The following B4GALT7 variants were observed in gnomAD, a reference collection of about 807,000 sequenced individuals.
B4GALT7 encodes UDP-Gal:beta-GlcNAc beta-1,4-galactosyltransferase 7.
A neutral mutation model predicts 33.0 loss-of-function variants in B4GALT7; 30 were observed. The observed-to-expected ratio is 0.91, with a 90% confidence interval of 0.68 to 1.23. The LOEUF (loss-of-function observed/expected upper bound fraction) is 1.23, where lower values mean the gene tolerates loss of function less well. Among genes scored for constraint, B4GALT7 ranks in the 50% most tolerant of loss-of-function variants. B4GALT7 has a pLI of 0.00. For missense variants in B4GALT7, 507 were observed against 450.8 expected (o/e 1.12, Z -1.13); for synonymous variants, 213 against 187.2 (o/e 1.14, Z -1.13).
chr5:177,609,454 C>T, intron 5 of B4GALT7, 86 bp from the exon 6 acceptor site: 1 of 1,538,058 alleles, frequency 6.5e-7, no homozygotes, highest in Non-Finnish European at 9.0e-7. Flanking sequence ...ACCACAGGAC[C>T]TCTGATGGCG....
intron 2 of B4GALT7, among the ~76,000 whole-genome samples, 170 bp downstream of exon 2, chr5:177,604,711 A>T (rs575570099): frequency 6.6e-6 from 1 of 152,246 alleles, no homozygotes; most frequent in East Asian, 1.9e-4. Context: ...TTCCATTTTG[A>T]AAAGCTCACT....
chr5:177,609,645 A>T lies in B4GALT7; in HGVS notation c.934A>T (p.Ile312Phe), dbSNP rs1220841590. Residue 312 changes from isoleucine to phenylalanine, a missense_variant, in exon 6 of 6, where the codon ATC (isoleucine) becomes TTC (phenylalanine). Transcript: ENST00000029410. ...VGGAPCTVLN[I>F]MLDCDKTATP... ...CGGGGCCCCCTGCACTGTCCTCAACATCATGTTGGACTGTGACAAGACCGC... is the reference window on the plus strand; with the variant it reads ...CGGGGCCCCCTGCACTGTCCTCAACTTCATGTTGGACTGTGACAAGACCGC... 1 of 1,613,796 alleles carries T rather than the reference A, an allele frequency of 6.2e-7. No individual in the cohort carries two copies. Among genetic ancestry groups the T allele is most frequent in the Non-Finnish European group, 8.5e-7 (1 of 1,179,960 alleles).
chr5:177,601,516 C>T (rs768458737), intron 1 of B4GALT7: 27 of 152,246 alleles, frequency 1.8e-4, no homozygotes, highest in Non-Finnish European at 1.0e-4. Context: ...AACAGAGGAG[C>T]ATTTCTATTT....
Position 177,607,326 on chromosome 5 carries a change from C to A in B4GALT7, c.438C>A (p.Asn146Lys). Residue 146 changes from asparagine (N) to lysine (K), a missense_variant, in exon 3 of 6, where the codon AAC becomes AAA. By Grantham distance (94) the Asn-to-Lys change is moderately conservative. Transcript: ENST00000029410. ...GGTTCAACCGGGCAGCGCTCATCAACGTGGGCTTCCTGGAGAGCAGCAACA... is the reference window on the plus strand; with the variant it reads ...GGTTCAACCGGGCAGCGCTCATCAAAGTGGGCTTCCTGGAGAGCAGCAACA... ...HFRFNRAALI[N>K]VGFLESSNST... 1 of 1,612,688 alleles carries A rather than the reference C, an allele frequency of 6.2e-7. No individual in the cohort carries two copies. Among genetic ancestry groups the A allele is most frequent in the Non-Finnish European group, 8.5e-7 (1 of 1,179,418 alleles).
rs759226446 is a variant in B4GALT7, at chr5:177,604,386, A to C, written c.258A>C (p.Glu86Asp). 4 of 1,613,590 alleles carry C rather than the reference A, an allele frequency of 2.5e-6. No individual in the cohort carries two copies. Among genetic ancestry groups the C allele is most frequent in the African/African-American group, 1.3e-5 (1 of 75,004 alleles). The change falls in exon 2 of 6, where the codon GAA (glutamate) becomes GAC (aspartate). Residue 86 changes from glutamate to aspartate, a missense_variant. By Grantham distance (45) the Glu-to-Asp change is conservative. Transcript: ENST00000029410. The stretch of plus-strand genomic sequence containing the variant: ...AGCCGCCCCCTGAGCACTGGGAAGA[A>C]GACGCATCCTGGGGCCCCCACCGCC... ...PPEPPPEHWE[E>D]DASWGPHRLA... is the part of the protein sequence containing the mutation.
rs1447860840 is a variant in B4GALT7 at position 177,600,505 on chromosome 5, G to T, written c.50+245G>T. 3.9e-5 allele frequency among the ~76,000 whole-genome samples: 3 copies of T among 76,238 alleles called. No individual in the cohort carries two copies. Among genetic ancestry groups the T allele is most frequent in the African/African-American group, 1.6e-4 (3 of 19,258 alleles). 50.0% of individuals were successfully genotyped at this position (76,238 alleles called of 152,430 possible). A position where few individuals can be genotyped will look rare whatever the true frequency, so the allele number is the denominator to read the frequency against. On this transcript the variant is annotated intron_variant, in intron 1 of 5. Transcript: ENST00000029410. The surrounding 1 kb of genome is among the most constrained non-coding windows in gnomAD (Gnocchi z 4.4). ...GTCCTTCCCCCAGCACCTTCCCCCCGGCCCGTGGGTCCGTATTTCTCCATT... is the reference window on the plus strand; with the variant it reads ...GTCCTTCCCCCAGCACCTTCCCCCCTGCCCGTGGGTCCGTATTTCTCCATT...
rs1331979413 is a variant in B4GALT7 at position 177,604,303 on chromosome 5, C to T, written c.175C>T (p.Arg59Trp). Residue 59 changes from arginine (R) to tryptophan (W), a missense_variant, in exon 2 of 6, where the codon CGG becomes TGG. Transcript: ENST00000029410. The part of the protein sequence containing the change: ...LQLSCSGDVA[R>W]AVRGQGQETS... ...GCTCAGCTGCTCTGGGGACGTGGCC[C>T]GGGCAGTCAGGGGACAAGGGCAGGA... 1.2e-6 allele frequency: 2 copies of T among 1,611,300 alleles called. No individual in the cohort carries two copies. The highest frequency in any genetic ancestry group is 8.5e-7 in the Non-Finnish European group (1 of 1,178,790).
At position 177,606,900 on chromosome 5, in the gene B4GALT7, C is replaced by G. The variant is rs572815691; in HGVS notation, c.414-402C>G. The G allele has an allele frequency of 2.8e-6, 1 of 357,020 alleles. No homozygotes were observed. The highest frequency in any genetic ancestry group is 2.2e-5 in the South Asian group (1 of 45,672). The allele number at this position is 357,020 out of a possible 1,614,324, so 22.1% of individuals were successfully genotyped here. ...TCTTCAGGCCTTCAGGTTTCTGTCA[C>G]TCAGTTCCCCTGGCCCTCCCTGACG... On this transcript the variant is annotated intron_variant, in intron 2 of 5. Coordinates refer to ENST00000029410, the MANE Select transcript of B4GALT7 (RefSeq NM_007255.3). The surrounding 1 kb of genome is among the most constrained non-coding windows in gnomAD (Gnocchi z 4.2).
intron 5 of B4GALT7, 129 bp from the exon 6 acceptor site, chr5:177,609,411 C>A: frequency 8.0e-7 from 1 of 1,249,986 alleles, no homozygotes; most frequent in Non-Finnish European, 1.2e-6. Context: ...GGCTTCACTG[C>A]TTTGAGCTCT....
At chr5:177,607,062 A>G (rs1429121218) in intron 2 of B4GALT7, 3 of 593,578 alleles carry the variant, frequency 5.1e-6, no homozygotes, top group Non-Finnish European at 9.1e-6. Flanking sequence ...TTGGAATCTC[A>G]GTTCCTTGAG....
Position 177,604,466 on chromosome 5 carries a change from C to A in B4GALT7, c.338C>A (p.Pro113His). Residue 113 changes from proline to histidine, a missense_variant, in exon 2 of 6, where the codon CCC becomes CAC. Pro to His is a moderately conservative substitution (Grantham distance 77). Coordinates refer to ENST00000029410, the MANE Select transcript of B4GALT7 (RefSeq NM_007255.3). ...TTCGAGGAGCTCCTGGTCTTCGTGC[C>A]CCACATGCGCCGCTTCCTGAGCAGG... ...ERFEELLVFV[P>H]HMRRFLSRKK... 6.2e-7 allele frequency: 1 copy of A among 1,614,026 alleles called. No individual in the cohort carries two copies. Among genetic ancestry groups the A allele is most frequent in the South Asian group, 1.1e-5 (1 of 91,082 alleles).
chr5:177,604,149 C>T lies in B4GALT7; in HGVS notation c.51-30C>T, dbSNP rs764148988. ...TGTCACAGGGCCAGCCCTGCCCCGC[C>T]CTCCTGACCCTGTCCCGCGCTTGCT... On this transcript the variant is annotated intron_variant, in intron 1 of 5. Coordinates refer to ENST00000029410, the MANE Select transcript of B4GALT7 (RefSeq NM_007255.3). 7 of 1,612,736 alleles carry T rather than the reference C, an allele frequency of 4.3e-6. No homozygotes were observed. In the Admixed American group the frequency reaches 6.7e-5, roughly 15 times the overall value.
In B4GALT7 at chr5:177,604,366, C is replaced by T. The variant is rs1270985250; in HGVS notation, c.238C>T (p.Pro80Ser). Residue 80 changes from proline to serine, a missense_variant, in exon 2 of 6, where the codon CCC (proline) becomes TCC (serine). Pro to Ser is a moderately conservative substitution (Grantham distance 74). Transcript: ENST00000029410. ...GPPRACPPEP[P>S]PEHWEEDASW... ...TCCCCGTGCCTGCCCCCCAGAGCCG[C>T]CCCCTGAGCACTGGGAAGAAGACGC... is the stretch of plus-strand genomic sequence containing the variant. 1.2e-6 allele frequency: 2 copies of T among 1,612,556 alleles called. No homozygotes were observed. The highest frequency in any genetic ancestry group is 1.7e-6 in the Non-Finnish European group (2 of 1,179,168).
At position 177,600,181 on chromosome 5, in the gene B4GALT7, C is replaced by T. The variant is rs1329364259; in HGVS notation, c.-30C>T. ...GCCGGGCCGGCCGGGCTGCGAGCGC[C>T]TGCCCCATGCGCCGCCGCCTCTCCG... On this transcript the variant is annotated 5_prime_UTR_variant, in exon 1 of 6. Transcript: ENST00000029410. This position sits in a 1 kb window ranked among gnomAD's most constrained non-coding sequence, Gnocchi z 4.4. 23 of 1,328,158 alleles carry T rather than the reference C, an allele frequency of 1.7e-5. No individual in the cohort carries two copies. Among genetic ancestry groups the T allele is most frequent in the Middle Eastern group, 2.8e-4 (1 of 3,538 alleles). 82.3% of individuals were successfully genotyped at this position (1,328,158 alleles called of 1,614,324 possible). A position where few individuals can be genotyped will look rare whatever the true frequency, so the allele number is the denominator to read the frequency against.
intron 1 of B4GALT7, among the ~76,000 whole-genome samples, chr5:177,602,190 G>C (rs1296425972): frequency 6.6e-6 from 1 of 152,134 alleles, no homozygotes; most frequent in Non-Finnish European, 1.5e-5. Flanking sequence ...CAGGATAATG[G>C]GGGGTAAGTC....
chr5:177,603,325 G>T, intron 1 of B4GALT7: 1 of 985,440 alleles, frequency 1.0e-6, no homozygotes, highest in Non-Finnish European at 1.2e-6. Flanking sequence ...TCCTGTCTCA[G>T]CATACTCAGG....
At position 177,600,268 on chromosome 5, in the gene B4GALT7, G is replaced by C. The variant is rs1767808853; in HGVS notation, c.50+8G>C. 1 of 1,335,678 alleles carries C rather than the reference G, an allele frequency of 7.5e-7. No homozygotes were observed. The highest frequency in any genetic ancestry group is 3.4e-5 in the Admixed American group (1 of 29,704). The allele number at this position is 1,335,678 out of a possible 1,614,324, so 82.7% of individuals were successfully genotyped here. A position where few individuals can be genotyped will look rare whatever the true frequency, so the allele number is the denominator to read the frequency against. On this transcript the variant is annotated splice_region_variant and intron_variant, in intron 1 of 5. Transcript: ENST00000029410. This position sits in a 1 kb window ranked among gnomAD's most constrained non-coding sequence, Gnocchi z 4.4. ...GCCCTGGGAGGACGGCAGGTGAGCG[G>C]CGGCGGTGGGCCCGGGCCCCGTCCT...
chr5:177,609,180 C>T (rs573053855), intron 5 of B4GALT7, among the ~76,000 whole-genome samples, 166 bp downstream of exon 5: 1 of 152,250 alleles, frequency 6.6e-6, no homozygotes, highest in Admixed American at 6.5e-5. Context: ...GCTCTGGTGG[C>T]TGCTGTGGGC....
rs531207298 is a variant in B4GALT7 at position 177,600,654 on chromosome 5, C to T, written c.50+394C>T. On this transcript the variant is annotated intron_variant, in intron 1 of 5. Coordinates refer to ENST00000029410, the MANE Select transcript of B4GALT7 (RefSeq NM_007255.3). The surrounding 1 kb of genome is among the most constrained non-coding windows in gnomAD (Gnocchi z 4.4). ...TGCGGGTCTCTGACTCCGCTGACCT[C>T]TCACCATGGATTTGTGTTTCTCAAT... 3.3e-5 allele frequency among the ~76,000 whole-genome samples: 5 copies of T among 152,194 alleles called. No homozygotes were observed. Among genetic ancestry groups the T allele is most frequent in the Admixed American group, 2.6e-4 (4 of 15,274 alleles).
Sources: allele counts gnomAD v4.1 joint callset (sites outside exome capture counted in the v4.1 genomes callset), GRCh38; gene constraint gnomAD v4.1.1; non-coding constraint Gnocchi (gnomAD v3.1); transcripts MANE v1.5; gene names NCBI Gene and HGNC (gene_info 2026-07-23, HGNC 2026-07-21).